PXDN: variants seen among roughly 807,000 people sequenced by gnomAD.
PXDN encodes the protein peroxidasin.
PXDN carries 77 observed loss-of-function variants against 140.3 expected under a neutral mutation model. That is an observed-to-expected ratio of 0.55 (90% CI 0.46 to 0.66). PXDN has a LOEUF of 0.66. Among genes scored for constraint, PXDN ranks in the 30% least tolerant of loss-of-function variants. The pLI, the probability that PXDN is intolerant of heterozygous loss-of-function variation, is 0.00. For missense variants in PXDN, 1,838 were observed against 2,039.5 expected (o/e 0.90, Z 1.90); for synonymous variants, 911 against 857.4 (o/e 1.06, Z -1.09).
At chr2:1,668,886 T>C (rs747757795) in intron 9 of PXDN, among the ~76,000 whole-genome samples, 4 of 152,190 alleles carry the variant, frequency 2.6e-5, no homozygotes, top group African/African-American at 9.7e-5. Flanking sequence ...TGGAAGACAA[T>C]GTGGCGATTC....
At chr2:1,708,424 A>C (rs1184744474) in intron 1 of PXDN, among the ~76,000 whole-genome samples, 1 of 152,148 alleles carries the variant, frequency 6.6e-6, no homozygotes, top group Non-Finnish European at 1.5e-5. Context: ...AATCCCACCC[A>C]AACACCAAGA....
chr2:1,643,843 T>C lies in PXDN; in HGVS notation c.3744-267A>G, dbSNP rs372563578. ...ATCCCAGCACTTTGGGAGGCCGAGG[T>C]GGGCGGATCACGAGGTCAGGAGATC... is the stretch of plus-strand genomic sequence containing the variant. On this transcript the variant is annotated intron_variant, in intron 18 of 22. Coordinates refer to ENST00000252804, the MANE Select transcript of PXDN (RefSeq NM_012293.3). Among the ~76,000 whole-genome samples the C allele has an allele frequency of 4.0e-5, 6 of 151,706 alleles. No homozygotes were observed. The East Asian group carries it at 9.7e-4, about 25-fold the overall frequency.
intron 8 of PXDN, among the ~76,000 whole-genome samples, 166 bp downstream of exon 8, chr2:1,676,761 C>T (rs1346294615): frequency 1.3e-5 from 2 of 152,216 alleles, no homozygotes; most frequent in South Asian, 2.1e-4. Flanking sequence ...ACACCCCCTG[C>T]CATGTAAGAC....
intron 1 of PXDN, among the ~76,000 whole-genome samples, chr2:1,715,727 A>C (rs1684879436): frequency 6.6e-6 from 1 of 152,160 alleles, no homozygotes; most frequent in Non-Finnish European, 1.5e-5. Context: ...CCAGGCTCTG[A>C]GCACAGAGAC....
intron 1 of PXDN, among the ~76,000 whole-genome samples, chr2:1,697,197 G>C (rs1219000967): frequency 6.6e-6 from 1 of 152,166 alleles, no homozygotes; most frequent in South Asian, 2.1e-4. Context: ...TGTTCTTCGG[G>C]AATGCTGAAG....
rs1386907394 is a variant in PXDN at position 1,654,437 on chromosome 2, T to C, written c.1909A>G (p.Arg637Gly). 1.2e-6 allele frequency: 2 copies of C among 1,613,880 alleles called. No homozygotes were observed. Among genetic ancestry groups the C allele is most frequent in the South Asian group, 1.1e-5 (1 of 91,078 alleles). Reference protein sequence around the residue: ...SIVEAIATVDRAINSTRTHLF... With the variant: ...SIVEAIATVDGAINSTRTHLF... The stretch of plus-strand genomic sequence containing the variant: ...TGTGTTCGGGTTGAGTTTATAGCTC[T>C]GTCAACAGTCGCAATCGCTTCCACG... The change falls in exon 15 of 23, where the codon AGA (arginine) becomes GGA (glycine). Residue 637 changes from arginine (R) to glycine (G), a missense_variant. Arg to Gly is a moderately radical substitution (Grantham distance 125). This residue lies in a region of PXDN where 537 missense variants were observed against 583.9 expected (regional missense o/e 0.92). Transcript: ENST00000252804.
chr2:1,647,564 G>C (rs1487359964), intron 17 of PXDN, among the ~76,000 whole-genome samples: 1 of 152,214 alleles, frequency 6.6e-6, no homozygotes, highest in Non-Finnish European at 1.5e-5. Flanking sequence ...GGCAGAACAA[G>C]GAGAACCGCA....
rs746199819 is a variant in PXDN at position 1,663,745 on chromosome 2, T to A, written c.1427A>T (p.Asp476Val). 1.2e-5 allele frequency: 19 copies of A among 1,613,058 alleles called. No homozygotes were observed. Among genetic ancestry groups the A allele is most frequent in the Non-Finnish European group, 1.6e-5 (19 of 1,179,850 alleles). Reference sequence around the variant, plus strand: ...CGATGACAGGACCAGGTGCCGCCGGTCCACGGAGAGCTGGCTCCCTGCAAG... The same window carrying A: ...CGATGACAGGACCAGGTGCCGCCGGACCACGGAGAGCTGGCTCCCTGCAAG... ...WTKGGSQLSV[D>V]RRHLVLSSGT... Residue 476 changes from aspartate (D) to valine (V), a missense_variant, in exon 12 of 23, where the codon GAC (aspartate) becomes GTC (valine). This residue lies in a region of PXDN where 537 missense variants were observed against 583.9 expected (regional missense o/e 0.92). Coordinates refer to ENST00000252804, the MANE Select transcript of PXDN (RefSeq NM_012293.3).
intron 3 of PXDN, among the ~76,000 whole-genome samples, chr2:1,688,939 C>T (rs971462866): frequency 2.6e-5 from 4 of 152,118 alleles, no homozygotes; most frequent in Middle Eastern, 3.4e-3. Flanking sequence ...CCCTGCTAAC[C>T]TTATTTCTTA....
intron 1 of PXDN, among the ~76,000 whole-genome samples, chr2:1,723,337 T>C (rs1044088682): frequency 3.3e-5 from 5 of 151,986 alleles, no homozygotes; most frequent in African/African-American, 1.2e-4. Flanking sequence ...GATGAATAAA[T>C]GGATGTGTGG....
At chr2:1,733,748 C>CAAAAA (rs72208257) in intron 1 of PXDN, among the ~76,000 whole-genome samples, 869 of 79,150 alleles carry the variant, frequency 0.011, 57 homozygotes, top group African/African-American at 0.04. Context: ...TGTCAAATGA[C>CAAAAA]AAAAAAAAAA....
intron 11 of PXDN, 49 bp downstream of exon 11, chr2:1,664,909 G>A (rs1309798092): frequency 1.4e-6 from 2 of 1,441,512 alleles, no homozygotes; most frequent in South Asian, 2.4e-5. Context: ...TGTGCTTCCT[G>A]CGTCTGTGGC....
intron 10 of PXDN, among the ~76,000 whole-genome samples, chr2:1,665,498 A>G (rs978135590): frequency 1.3e-5 from 2 of 152,338 alleles, no homozygotes; most frequent in East Asian, 3.9e-4. Flanking sequence ...AACATAACTT[A>G]CAGAATAGTA....
chr2:1,679,533 CATGT>C (rs1428090284), intron 7 of PXDN, among the ~76,000 whole-genome samples: 2 of 122,486 alleles, frequency 1.6e-5, no homozygotes, highest in Non-Finnish European at 1.7e-5. Context: ...TTTGTGTCTG[CATGT>C]GTGTGTGTCT....
chr2:1,647,991 C>T (rs572984425), intron 17 of PXDN, among the ~76,000 whole-genome samples, 181 bp downstream of exon 17: 1 of 152,170 alleles, frequency 6.6e-6, no homozygotes, highest in African/African-American at 2.4e-5. Flanking sequence ...CCCCTCCCCA[C>T]AACCACGCAG....
chr2:1,731,240 G>C (rs1235273834), intron 1 of PXDN, among the ~76,000 whole-genome samples: 2 of 151,812 alleles, frequency 1.3e-5, no homozygotes, highest in Non-Finnish European at 2.9e-5. Flanking sequence ...TTAAACTTTG[G>C]GACAGCTATG....
Position 1,687,398 on chromosome 2 carries a change from G to T in PXDN, c.416+234C>A, listed in dbSNP as rs1684085808. Among the ~76,000 whole-genome samples, 1 of 152,310 alleles carries T rather than the reference G, an allele frequency of 6.6e-6. No individual in the cohort carries two copies. The highest frequency in any genetic ancestry group is 2.1e-4 in the South Asian group (1 of 4,830). ...GGCCCAGGGCCTGGTGCCGCCGTAA[G>T]GAAACCAGGGATACGTCCTGAGGGG... On this transcript the variant is annotated intron_variant, in intron 4 of 22. Coordinates refer to ENST00000252804, the MANE Select transcript of PXDN (RefSeq NM_012293.3). The surrounding 1 kb of genome is among the most constrained non-coding windows in gnomAD (Gnocchi z 4.0).
intron 1 of PXDN, among the ~76,000 whole-genome samples, chr2:1,732,140 G>C (rs1450263572): frequency 6.6e-6 from 1 of 152,144 alleles, no homozygotes; most frequent in Non-Finnish European, 1.5e-5. Context: ...CTGGGCATCA[G>C]CCAACAAAGC....
chr2:1,688,035 A>G (rs976947547), intron 3 of PXDN, among the ~76,000 whole-genome samples: 1 of 152,228 alleles, frequency 6.6e-6, no homozygotes, highest in Non-Finnish European at 1.5e-5. Context: ...ACCATTTTCC[A>G]CAGGCATGTA....
Sources: gnomAD v4.1 joint callset for allele counts (sites outside exome capture counted in the v4.1 genomes callset) on GRCh38, gnomAD v4.1.1 for gene constraint, gnomAD v4.1.1 regional missense constraint, Gnocchi (gnomAD v3.1) non-coding constraint, MANE v1.5 for transcripts, NCBI Gene and HGNC (gene_info 2026-07-23, HGNC 2026-07-21) for gene names.